Variants in SLC15A2 observed in about 807,000 individuals in gnomAD.
SLC15A2 encodes the protein kidney H(+)/peptide cotransporter.
A neutral mutation model predicts 95.5 loss-of-function variants in SLC15A2; 77 were observed. The observed-to-expected ratio is 0.81, with a 90% confidence interval of 0.67 to 0.97. The LOEUF (loss-of-function observed/expected upper bound fraction) is 0.97. Ranked by LOEUF, SLC15A2 falls within the 50% of genes least tolerant of loss-of-function variation. The pLI, the probability that SLC15A2 is intolerant of heterozygous loss-of-function variation, is 0.00. For missense variants in SLC15A2, 893 were observed against 874.4 expected, an observed-to-expected ratio of 1.02 and a Z score of -0.27; for synonymous variants, 306 against 306.9, an observed-to-expected ratio of 1.00 and a Z score of 0.03.
intron 13 of SLC15A2, among the ~76,000 whole-genome samples, chr3:121,926,334 G>A (rs559512096): frequency 1.3e-5 from 2 of 152,074 alleles, no homozygotes; most frequent in African/African-American, 4.8e-5. Flanking sequence ...CTATCCCGTT[G>A]GTGCTGTCCT....
chr3:121,911,556 AT>A lies in SLC15A2; in HGVS notation c.336-15del. 1 of 1,582,144 alleles carries A rather than the reference AT, an allele frequency of 6.3e-7. No individual in the cohort carries two copies. The highest frequency in any genetic ancestry group is 2.2e-5 in the East Asian group (1 of 44,716). On this transcript the variant is annotated splice_polypyrimidine_tract_variant and intron_variant, in intron 3 of 21. Coordinates refer to ENST00000489711, the MANE Select transcript of SLC15A2 (RefSeq NM_021082.4). Reference sequence around the variant, plus strand: ...CTCAGTTCTGGTTTTAGACTGACTGATTTAGCTCTCTCAACAGGACAATCAT... The same window carrying A: ...CTCAGTTCTGGTTTTAGACTGACTGATTAGCTCTCTCAACAGGACAATCAT...
chr3:121,904,396 A>G (rs904885083), intron 3 of SLC15A2, among the ~76,000 whole-genome samples: 1 of 152,136 alleles, frequency 6.6e-6, no homozygotes, highest in Non-Finnish European at 1.5e-5. Flanking sequence ...TGTTGAATAG[A>G]AGTGGTGAGA....
intron 3 of SLC15A2, among the ~76,000 whole-genome samples, chr3:121,901,845 TTGTGTGTGTGTG>T (rs3047583): frequency 6.7e-6 from 1 of 148,918 alleles, no homozygotes; most frequent in Non-Finnish European, 1.5e-5. Flanking sequence ...GAGTATGTGT[TTGTGTGTGTGTG>T]TGTGTGTGTG....
intron 3 of SLC15A2, among the ~76,000 whole-genome samples, chr3:121,903,866 G>GT (rs1011084729): frequency 3.9e-5 from 6 of 152,312 alleles, no homozygotes; most frequent in African/African-American, 1.2e-4. Flanking sequence ...CTTTAAAGTA[G>GT]TTTTTTGCAA....
chr3:121,928,205 CG>C (rs1710159817), intron 14 of SLC15A2: 6 of 583,926 alleles, frequency 1.0e-5, no homozygotes, highest in Non-Finnish European at 1.5e-5. Flanking sequence ...CAAAAAGCAT[CG>C]AGTTTGTAAG....
chr3:121,919,677 C>T (rs1438338823), intron 7 of SLC15A2, among the ~76,000 whole-genome samples: 1 of 152,116 alleles, frequency 6.6e-6, no homozygotes, highest in Admixed American at 6.5e-5. Flanking sequence ...GCTTGAAGGT[C>T]GGGTTTCACT....
At chr3:121,902,469 C>T (rs1197932487) in intron 3 of SLC15A2, among the ~76,000 whole-genome samples, 3 of 152,106 alleles carry the variant, frequency 2.0e-5, no homozygotes, top group African/African-American at 7.2e-5. Flanking sequence ...ATGAACTCGC[C>T]ATTTACATTA....
At chr3:121,900,968 ATAT>A (rs1709508378) in intron 3 of SLC15A2, among the ~76,000 whole-genome samples, 1 of 149,656 alleles carries the variant, frequency 6.7e-6, no homozygotes, top group Non-Finnish European at 1.5e-5. Context: ...AGTCATTTAT[ATAT>A]TATATGAATG....
At chr3:121,908,244 A>G (rs1341861826) in intron 3 of SLC15A2, among the ~76,000 whole-genome samples, 2 of 152,216 alleles carry the variant, frequency 1.3e-5, no homozygotes, top group East Asian at 3.9e-4. Context: ...GGAAAAGCAC[A>G]GTATTTGGGT....
At chr3:121,918,588 T>C (rs1404162275) in intron 7 of SLC15A2, among the ~76,000 whole-genome samples, 1 of 148,918 alleles carries the variant, frequency 6.7e-6, no homozygotes. Flanking sequence ...GGTGGGGGGA[T>C]AGGTTCAAAC....
chr3:121,940,550 T>C (rs1015078200), intron 21 of SLC15A2, 62 bp downstream of exon 21: 54 of 1,347,266 alleles, frequency 4.0e-5, no homozygotes, highest in Non-Finnish European at 5.4e-5. Context: ...CTTTCTCTTC[T>C]CCCTTTCCCC....
intron 3 of SLC15A2, among the ~76,000 whole-genome samples, chr3:121,902,117 AG>A (rs1417543551): frequency 1.3e-5 from 2 of 152,330 alleles, no homozygotes; most frequent in African/African-American, 4.8e-5. Flanking sequence ...AGCTACATAC[AG>A]GAAAGACTAA....
Position 121,915,324 on chromosome 3 carries a change from A to AT in SLC15A2, c.619+14dup, listed in dbSNP as rs3215370. The AT allele has an allele frequency of 0.45, 719,544 of 1,594,910 alleles. 167,428 individuals carry two copies. Among genetic ancestry groups the AT allele is most frequent in the East Asian group, 0.72 (32,162 of 44,704 alleles). On this transcript the variant is annotated splice_region_variant and intron_variant, in intron 6 of 21. Coordinates refer to ENST00000489711, the MANE Select transcript of SLC15A2 (RefSeq NM_021082.4). ...ATCACACCCATGCTGAGAGGTTAGG[A>AT]TTTTTTTGAGGGGCCCTGTATAAGG... is the stretch of plus-strand genomic sequence containing the variant.
At chr3:121,938,689 C>T (rs563313381) in intron 19 of SLC15A2, among the ~76,000 whole-genome samples, 55 of 152,298 alleles carry the variant, frequency 3.6e-4, no homozygotes, top group African/African-American at 7.5e-4. Context: ...GAGATGAGCC[C>T]GGTACCTCAG....
chr3:121,939,577 G>A, intron 20 of SLC15A2, 82 bp downstream of exon 20: 2 of 1,244,248 alleles, frequency 1.6e-6, no homozygotes, highest in Non-Finnish European at 2.2e-6. Flanking sequence ...GACTTAAATA[G>A]GTATGTTATC....
rs1710416442 is a variant in SLC15A2, at chr3:121,939,412, G to C, written c.1825G>C (p.Ala609Pro). ...CATTCCAGCCAACAAAATGTCCATT[G>C]CGTGGCAGCTACCACAATATGCCCT... ...EDIPANKMSI[A>P]WQLPQYALVT... The change falls in exon 20 of 22, where the codon GCG becomes CCG. Residue 609 changes from alanine (A) to proline (P), a missense_variant. By Grantham distance (27) the Ala-to-Pro change is conservative. Transcript: ENST00000489711. 6.3e-7 allele frequency: 1 copy of C among 1,580,970 alleles called. No homozygotes were observed. The highest frequency in any genetic ancestry group is 8.6e-7 in the Non-Finnish European group (1 of 1,164,070).
At chr3:121,915,445 C>A in intron 6 of SLC15A2, 128 bp downstream of exon 6, 1 of 800,978 alleles carries the variant, frequency 1.2e-6, no homozygotes, top group East Asian at 2.5e-5. Context: ...TTATTTTAGT[C>A]TTGATTTGTC....
chr3:121,918,470 T>C (rs991155174), intron 7 of SLC15A2, among the ~76,000 whole-genome samples: 3 of 152,184 alleles, frequency 2.0e-5, no homozygotes, highest in Admixed American at 2.0e-4. Context: ...GAAGAAATGT[T>C]TGCACTATAG....
chr3:121,903,464 T>G (rs1306027843), intron 3 of SLC15A2, among the ~76,000 whole-genome samples: 1 of 152,204 alleles, frequency 6.6e-6, no homozygotes, highest in Non-Finnish European at 1.5e-5. Flanking sequence ...GGTTTTCTTC[T>G]AGGGTTTTTA....
Sources: gnomAD v4.1 joint callset for allele counts (sites outside exome capture counted in the v4.1 genomes callset) on GRCh38, gnomAD v4.1.1 for gene constraint, MANE v1.5 for transcripts, NCBI Gene and HGNC (gene_info 2026-07-23, HGNC 2026-07-21) for gene names.